Variants in NREP observed in about 807,000 individuals in gnomAD.
The protein encoded by NREP is neuronal regeneration-related protein.
In NREP, 5 loss-of-function variants were observed where a neutral mutation model predicts 8.6. The ratio of observed to expected loss-of-function variants is 0.58; its 90% CI spans 0.30 to 1.22. NREP has a LOEUF of 1.22. NREP is among the 50% of genes most tolerant of loss of function. The pLI is 0.07. For synonymous variants in NREP, 27 were observed against 28.0 expected (o/e 0.96, Z 0.11); for missense variants, 86 against 82.5 (o/e 1.04, Z -0.17).
At chr5:111,947,685 TATTA>T (rs1445346515) in intron 2 of NREP, among the ~76,000 whole-genome samples, 1 of 152,080 alleles carries the variant, frequency 6.6e-6, no homozygotes, top group Non-Finnish European at 1.5e-5. Flanking sequence ...AATATTAGCC[TATTA>T]ATTAATACTA....
intron 2 of NREP, among the ~76,000 whole-genome samples, chr5:111,775,817 A>G (rs769851122): frequency 1.1e-4 from 17 of 152,176 alleles, no homozygotes; most frequent in Non-Finnish European, 2.1e-4. Flanking sequence ...ACAAAGAAAG[A>G]ACTTAATTTC....
chr5:111,823,200 GAGAAC>G (rs1752549171), intron 2 of NREP, among the ~76,000 whole-genome samples: 1 of 152,134 alleles, frequency 6.6e-6, no homozygotes, highest in South Asian at 2.1e-4. Context: ...CTAATAGAGT[GAGAAC>G]TCACTCACTG....
chr5:111,918,242 G>A (rs79896590), intron 2 of NREP, among the ~76,000 whole-genome samples: 1,716 of 152,276 alleles, frequency 0.011, 26 homozygotes, highest in South Asian at 0.035. Flanking sequence ...CCATGCTCAT[G>A]AATAGGAAGA....
chr5:111,964,795 G>C (rs909522451), intron 2 of NREP, among the ~76,000 whole-genome samples: 1 of 129,866 alleles, frequency 7.7e-6, no homozygotes, highest in Non-Finnish European at 1.6e-5. Flanking sequence ...TATACCTGTA[G>C]AGATTACAAT....
At chr5:111,916,649 C>T (rs1755068500) in intron 2 of NREP, among the ~76,000 whole-genome samples, 2 of 152,222 alleles carry the variant, frequency 1.3e-5, no homozygotes, top group South Asian at 4.1e-4. Context: ...GCTGTGTGAT[C>T]ATAAAAATGT....
chr5:111,755,863 CGCCTCACCACAGGTCAGCAAACGAAAAAT>C (rs1750671724), intron 1 of NREP, 33 bp from the exon 2 acceptor site: 1 of 1,609,922 alleles, frequency 6.2e-7, no homozygotes, highest in Non-Finnish European at 8.5e-7. Context: ...GTAGACACAT[CGCCTCACCACAGGTCAGCAAACGAAAAAT>C]GCCTCTTTAG....
intron 2 of NREP, among the ~76,000 whole-genome samples, chr5:111,952,750 C>T (rs772776019): frequency 6.6e-6 from 1 of 152,060 alleles, no homozygotes; most frequent in Non-Finnish European, 1.5e-5. Flanking sequence ...TGGATTGTAT[C>T]AATGTCAATC....
intron 2 of NREP, among the ~76,000 whole-genome samples, chr5:111,768,033 C>T (rs112866136): frequency 6.5e-4 from 99 of 152,266 alleles, no homozygotes; most frequent in African/African-American, 2.3e-3. Flanking sequence ...TATCTCTTGT[C>T]TTGAAGGATG....
intron 2 of NREP, among the ~76,000 whole-genome samples, chr5:111,866,588 A>G (rs954785401): frequency 1.6e-4 from 25 of 152,132 alleles, no homozygotes; most frequent in East Asian, 1.9e-4. Context: ...TCGGTGTGGC[A>G]ATTCCTCAGG....
chr5:111,820,704 C>A (rs1752496820), intron 2 of NREP, among the ~76,000 whole-genome samples: 1 of 151,956 alleles, frequency 6.6e-6, no homozygotes, highest in Non-Finnish European at 1.5e-5. Context: ...GAAGTGTGAT[C>A]TGTCTGCCTT....
chr5:111,921,022 C>T (rs908794647), intron 2 of NREP, among the ~76,000 whole-genome samples: 1 of 152,062 alleles, frequency 6.6e-6, no homozygotes, highest in Non-Finnish European at 1.5e-5. Context: ...TCTTAGGTTG[C>T]TCTTTGCTGA....
At chr5:111,781,272 A>G (rs1476166076) in intron 2 of NREP, among the ~76,000 whole-genome samples, 8 of 152,178 alleles carry the variant, frequency 5.3e-5, no homozygotes, top group Non-Finnish European at 1.0e-4. Flanking sequence ...AAAAGGTAAC[A>G]TGGCTTCTGT....
intron 2 of NREP, among the ~76,000 whole-genome samples, chr5:111,939,332 G>A (rs1436094482): frequency 2.0e-5 from 3 of 151,988 alleles, no homozygotes; most frequent in African/African-American, 7.2e-5. Flanking sequence ...AAAATACAAG[G>A]AGCTATCATT....
intron 2 of NREP, among the ~76,000 whole-genome samples, chr5:111,880,301 A>T (rs1326938843): frequency 6.6e-6 from 1 of 152,254 alleles, no homozygotes; most frequent in East Asian, 1.9e-4. Context: ...CTAAGTGGGT[A>T]GAATAAGTAT....
In NREP at chr5:111,959,812, C is replaced by A. The variant is rs145690770; in HGVS notation, c.135+15462G>T. ...ACCAGCAATTCCACTGATGTATATACACCATACAGCATTAATTTTCAAGCT... is the reference window on the plus strand; with the variant it reads ...ACCAGCAATTCCACTGATGTATATAAACCATACAGCATTAATTTTCAAGCT... On this transcript the variant is annotated intron_variant, in intron 2 of 3. Transcript: ENST00000395634. Among the ~76,000 whole-genome samples, 615 of 152,100 alleles carry A rather than the reference C, an allele frequency of 4.0e-3. 6 individuals carry two copies. The highest frequency in any genetic ancestry group is 0.014 in the African/African-American group (593 of 41,530).
intron 2 of NREP, among the ~76,000 whole-genome samples, chr5:111,786,434 C>T (rs1751613313): frequency 6.6e-6 from 1 of 152,194 alleles, no homozygotes; most frequent in Non-Finnish European, 1.5e-5. Flanking sequence ...CCCACAGTGC[C>T]TAGTTCTGTC....
At chr5:111,940,937 T>C (rs1755812032) in intron 2 of NREP, among the ~76,000 whole-genome samples, 2 of 152,094 alleles carry the variant, frequency 1.3e-5, no homozygotes, top group South Asian at 2.1e-4. Flanking sequence ...TTTCTGGGTA[T>C]GGATATGTCA....
At chr5:111,862,076 C>T (rs1753555896) in intron 2 of NREP, among the ~76,000 whole-genome samples, 1 of 152,112 alleles carries the variant, frequency 6.6e-6, no homozygotes, top group Non-Finnish European at 1.5e-5. Context: ...TAAGTCACAT[C>T]ATACAAGCAA....
chr5:111,777,297 G>A (rs1485343726), intron 2 of NREP, among the ~76,000 whole-genome samples: 1 of 151,986 alleles, frequency 6.6e-6, no homozygotes, highest in African/African-American at 2.4e-5. Context: ...ATTCTCGCAA[G>A]GAACTCTCAC....
Sources: allele counts gnomAD v4.1 joint callset (sites outside exome capture counted in the v4.1 genomes callset), GRCh38; gene constraint gnomAD v4.1.1; transcripts MANE v1.5; gene names NCBI Gene and HGNC (gene_info 2026-07-23, HGNC 2026-07-21).